Variants in COL25A1 observed in about 807,000 individuals in gnomAD.
COL25A1 encodes collagen alpha-1(XXV) chain.
A neutral mutation model predicts 128.4 loss-of-function variants in COL25A1; 103 were observed. The observed-to-expected ratio is 0.80, with a 90% confidence interval of 0.68 to 0.94. The LOEUF is 0.94. Among genes scored for constraint, COL25A1 ranks in the 40% least tolerant of loss-of-function variants. The probability of loss-of-function intolerance (pLI) is 0.00; values close to 1 mark genes in which losing one functional copy is unlikely to be tolerated. For synonymous variants in COL25A1, 279 were observed against 277.2 expected, an observed-to-expected ratio of 1.01 and a Z score of -0.06; for missense variants, 745 against 840.0, an observed-to-expected ratio of 0.89 and a Z score of 1.40.
intron 3 of COL25A1, among the ~76,000 whole-genome samples, chr4:109,157,185 A>G (rs1040342325): frequency 4.6e-5 from 7 of 152,226 alleles, no homozygotes; most frequent in Non-Finnish European, 5.9e-5. Context: ...TCTTATGGAT[A>G]TTCTCAATTA....
chr4:108,893,223 A>T (rs1351144884), intron 16 of COL25A1, among the ~76,000 whole-genome samples: 1 of 152,320 alleles, frequency 6.6e-6, no homozygotes, highest in South Asian at 2.1e-4. Context: ...CAAAGAAAAA[A>T]AAACAGGTAA....
In COL25A1 at chr4:109,269,755, A is replaced by C. The variant is rs545266631; in HGVS notation, c.367+30828T>G. Among the ~76,000 whole-genome samples the C allele has an allele frequency of 3.7e-3, 557 of 152,302 alleles. 1 individual carries two copies. Among genetic ancestry groups the C allele is most frequent in the Non-Finnish European group, 5.9e-3 (402 of 68,030 alleles). On this transcript the variant is annotated intron_variant, in intron 3 of 37. Coordinates refer to ENST00000399132, the MANE Select transcript of COL25A1 (RefSeq NM_198721.4). ...TCTTTCTGATACCAAAGCCGGGCAG[A>C]GACACAACCAAAAAAGAGAATTTTA...
At position 108,889,226 on chromosome 4, in the gene COL25A1, G is replaced by T; in HGVS notation, c.970C>A (p.Gln324Lys). The T allele has an allele frequency of 6.2e-7, 1 of 1,613,322 alleles. No homozygotes were observed. The highest frequency in any genetic ancestry group is 8.5e-7 in the Non-Finnish European group (1 of 1,179,354). The change falls in exon 18 of 38, where the codon CAA (glutamine) becomes AAA (lysine). Residue 324 changes from glutamine (Q) to lysine (K), a missense_variant. Physicochemically the swap from Gln to Lys is moderately conservative, Grantham distance 53. Around this residue, in one of 3 missense-constraint regions of COL25A1, gnomAD observed 387 missense variants for 441.9 expected, o/e 0.88. Coordinates refer to ENST00000399132, the MANE Select transcript of COL25A1 (RefSeq NM_198721.4). ...ACTAGAGATAGAGATATTACCTTTT[G>T]CCCTGGACGACCAGATTCCCCAGGT... ...GEPGESGRPG[Q>K]KGEPGLPGLP... is the part of the protein sequence containing the mutation.
intron 37 of COL25A1, among the ~76,000 whole-genome samples, chr4:108,815,997 G>T (rs867433327): frequency 6.6e-6 from 1 of 152,082 alleles, no homozygotes; most frequent in African/African-American, 2.4e-5. Context: ...CAGGGCAAAG[G>T]TTAGAGATTA....
chr4:108,999,368 G>T (rs1480870004), intron 6 of COL25A1, among the ~76,000 whole-genome samples: 2 of 152,080 alleles, frequency 1.3e-5, no homozygotes, highest in Non-Finnish European at 2.9e-5. Context: ...TGAAAAAATG[G>T]TCATCATCAC....
chr4:109,125,654 A>G (rs1472433656), intron 3 of COL25A1, among the ~76,000 whole-genome samples: 2 of 152,176 alleles, frequency 1.3e-5, no homozygotes, highest in Non-Finnish European at 1.5e-5. Flanking sequence ...TTATTTTAAC[A>G]TCATTATTAT....
At chr4:108,859,142 T>C (rs1314521356) in intron 24 of COL25A1, among the ~76,000 whole-genome samples, 2 of 152,220 alleles carry the variant, frequency 1.3e-5, no homozygotes, top group Non-Finnish European at 2.9e-5. Context: ...GGAACTGTTC[T>C]AAGAGTATAA....
At chr4:109,070,979 G>A (rs1356657305) in intron 3 of COL25A1, among the ~76,000 whole-genome samples, 4 of 151,896 alleles carry the variant, frequency 2.6e-5, no homozygotes, top group African/African-American at 7.3e-5. Flanking sequence ...AAAAGAGCCC[G>A]CATTGCCAAG....
At chr4:108,902,172 C>G (rs1228939778) in intron 13 of COL25A1, among the ~76,000 whole-genome samples, 1 of 151,966 alleles carries the variant, frequency 6.6e-6, no homozygotes, top group East Asian at 1.9e-4. Flanking sequence ...ACCTGGAGGG[C>G]AAGAATTCTG....
Position 108,908,644 on chromosome 4 carries a change from G to A in COL25A1, c.781-7472C>T, listed in dbSNP as rs114447644. ...ACCACCCAATGGGCTCATCTTGCCC[G>A]CTGCCCAGACAGAGCCAATTTATCA... On this transcript the variant is annotated intron_variant, in intron 13 of 37. Transcript: ENST00000399132. Among the ~76,000 whole-genome samples the A allele has an allele frequency of 7.5e-3, 1,140 of 152,232 alleles. 9 individuals carry two copies. The highest frequency in any genetic ancestry group is 0.026 in the African/African-American group (1,063 of 41,538).
At position 109,286,491 on chromosome 4, in the gene COL25A1, C is replaced by A. The variant is rs146133531; in HGVS notation, c.367+14092G>T. 1.1e-4 allele frequency among the ~76,000 whole-genome samples: 16 copies of A among 152,262 alleles called. No individual in the cohort carries two copies. In the East Asian group the frequency reaches 3.1e-3, roughly 29 times the overall value. ...GACTGTTCTGACTACCCTTCATTTCCTGTTCTTCTAAGAGAACTAGCTGCA... is the reference window on the plus strand; with the variant it reads ...GACTGTTCTGACTACCCTTCATTTCATGTTCTTCTAAGAGAACTAGCTGCA... On this transcript the variant is annotated intron_variant, in intron 3 of 37. Coordinates refer to ENST00000399132, the MANE Select transcript of COL25A1 (RefSeq NM_198721.4).
At chr4:109,276,693 T>C (rs1243924899) in intron 3 of COL25A1, among the ~76,000 whole-genome samples, 1 of 152,092 alleles carries the variant, frequency 6.6e-6, no homozygotes, top group Non-Finnish European at 1.5e-5. Context: ...GTCAGTGTGG[T>C]CTAGGCAGGA....
rs181667473 is a variant in COL25A1 at position 109,279,586 on chromosome 4, T to C, written c.367+20997A>G. On this transcript the variant is annotated intron_variant, in intron 3 of 37. Coordinates refer to ENST00000399132, the MANE Select transcript of COL25A1 (RefSeq NM_198721.4). ...GCAAGACCCTGTCTCAATCAATCAATTAAAACAAAAAATATACCTCCCTCA... is the reference window on the plus strand; with the variant it reads ...GCAAGACCCTGTCTCAATCAATCAACTAAAACAAAAAATATACCTCCCTCA... Among the ~76,000 whole-genome samples, 714 of 152,152 alleles carry C rather than the reference T, an allele frequency of 4.7e-3. 1 individual carries two copies. The highest frequency in any genetic ancestry group is 7.8e-3 in the Non-Finnish European group (531 of 67,978).
At chr4:109,178,982 CA>C (rs777043394) in intron 3 of COL25A1, among the ~76,000 whole-genome samples, 4 of 151,528 alleles carry the variant, frequency 2.6e-5, no homozygotes, top group Non-Finnish European at 5.9e-5. Context: ...GAATATTAAT[CA>C]CTCAAACAAG....
intron 3 of COL25A1, among the ~76,000 whole-genome samples, chr4:109,068,301 G>A (rs1167468752): frequency 3.3e-5 from 5 of 152,104 alleles, no homozygotes; most frequent in Non-Finnish European, 7.3e-5. Flanking sequence ...AAAGAAACAT[G>A]AGTAATGAGT....
At position 108,939,378 on chromosome 4, in the gene COL25A1, C is replaced by T. The variant is rs558391183; in HGVS notation, c.672+1161G>A. Among the ~76,000 whole-genome samples, 152 of 152,284 alleles carry T rather than the reference C, an allele frequency of 1.0e-3. 4 individuals are homozygous for T. In the South Asian group the frequency reaches 0.031, roughly 31 times the overall value. Reference sequence around the variant, plus strand: ...AACTAGCAAATCATATGTTGAAAGACAATTCCTCATTTTATATCAGCAAAT... The same window carrying T: ...AACTAGCAAATCATATGTTGAAAGATAATTCCTCATTTTATATCAGCAAAT... On this transcript the variant is annotated intron_variant, in intron 10 of 37. Coordinates refer to ENST00000399132, the MANE Select transcript of COL25A1 (RefSeq NM_198721.4).
In COL25A1 at chr4:108,948,337, T is replaced by C. The variant is rs1000909292; in HGVS notation, c.493-6900A>G. On this transcript the variant is annotated intron_variant, in intron 8 of 37. Coordinates refer to ENST00000399132, the MANE Select transcript of COL25A1 (RefSeq NM_198721.4). ...TTTGAACAATCATGTAATATGAGAATTGGGGCCTGTGGAAATCAGAAGTTA... is the reference window on the plus strand; with the variant it reads ...TTTGAACAATCATGTAATATGAGAACTGGGGCCTGTGGAAATCAGAAGTTA... Among the ~76,000 whole-genome samples the C allele has an allele frequency of 3.3e-5, 5 of 151,470 alleles. 1 individual carries two copies. The highest frequency in any genetic ancestry group is 3.3e-4 in the Admixed American group (5 of 15,240).
At chr4:108,909,372 A>C (rs188486590) in intron 13 of COL25A1, among the ~76,000 whole-genome samples, 1 of 152,336 alleles carries the variant, frequency 6.6e-6, no homozygotes, top group East Asian at 1.9e-4. Flanking sequence ...CTTAATACAA[A>C]TACCCTCTTT....
At chr4:109,217,437 AT>A (rs1178424034) in intron 3 of COL25A1, among the ~76,000 whole-genome samples, 3 of 152,132 alleles carry the variant, frequency 2.0e-5, no homozygotes, top group Non-Finnish European at 1.5e-5. Context: ...AGACATATTT[AT>A]AAACTCTTTT....
Sources: allele counts gnomAD v4.1 joint callset (sites outside exome capture counted in the v4.1 genomes callset), GRCh38; gene constraint gnomAD v4.1.1; regional missense constraint gnomAD v4.1.1; transcripts MANE v1.5; gene names NCBI Gene and HGNC (gene_info 2026-07-23, HGNC 2026-07-21).